The following SHANK2 variants were observed in gnomAD, a reference collection of about 807,000 sequenced individuals.
SHANK2 encodes SH3 and multiple ankyrin repeat domains protein 2.
In SHANK2, 43 loss-of-function variants were observed where a neutral mutation model predicts 133.7. The observed-to-expected ratio is 0.32, with a 90% CI of 0.25 to 0.41. The LOEUF (loss-of-function observed/expected upper bound fraction) is 0.41. Ranked by LOEUF, SHANK2 falls within the 10% of genes least tolerant of loss-of-function variation. The pLI, the probability that SHANK2 is intolerant of heterozygous loss-of-function variation, is 1.00. For synonymous variants in SHANK2, 1,017 were observed against 952.8 expected, an observed-to-expected ratio of 1.07 and a Z score of -1.24; for missense variants, 1,994 against 2,235.8, an observed-to-expected ratio of 0.89 and a Z score of 2.18.
chr11:70,750,755 C>A (rs1444010524), intron 14 of SHANK2, among the ~76,000 whole-genome samples: 1 of 152,144 alleles, frequency 6.6e-6, no homozygotes, highest in African/African-American at 2.4e-5. Flanking sequence ...ATAAAAACCA[C>A]CACCATCTCC....
At chr11:70,867,064 A>G (rs144614805) in intron 11 of SHANK2, among the ~76,000 whole-genome samples, 97 of 151,886 alleles carry the variant, frequency 6.4e-4, no homozygotes, top group Non-Finnish European at 1.3e-3. Flanking sequence ...ACAGCACAGA[A>G]GGGAAACAGG....
At chr11:70,618,741 C>T (rs561972275) in intron 17 of SHANK2, among the ~76,000 whole-genome samples, 26 of 152,362 alleles carry the variant, frequency 1.7e-4, no homozygotes, top group Non-Finnish European at 3.4e-4. Flanking sequence ...ACCCTCATCA[C>T]GCTATGCTGA....
rs182490988 is a variant in SHANK2, at chr11:70,836,467, G to A, written c.1175-15785C>T. Among the ~76,000 whole-genome samples the A allele has an allele frequency of 2.6e-5, 4 of 152,332 alleles. No individual in the cohort carries two copies. The East Asian group carries it at 7.7e-4, about 29-fold the overall frequency. On this transcript the variant is annotated intron_variant, in intron 11 of 25. Transcript: ENST00000601538. ...GTTTACAAAGTGCCAGGTATGGAGG[G>A]AAAGGACTTCCTGTGGGTGGCCCCG...
intron 10 of SHANK2, among the ~76,000 whole-genome samples, chr11:70,934,904 C>T (rs1479119464): frequency 3.9e-5 from 6 of 151,960 alleles, no homozygotes; most frequent in African/African-American, 1.2e-4. Context: ...CCGGGGACCG[C>T]GATGCAAACC....
intron 8 of SHANK2, among the ~76,000 whole-genome samples, chr11:71,080,732 A>C (rs1035684536): frequency 4.6e-5 from 7 of 152,348 alleles, no homozygotes; most frequent in South Asian, 2.1e-4. Context: ...GCTGCCCGTC[A>C]GTAGAGAAAC....
intron 1 of SHANK2, among the ~76,000 whole-genome samples, chr11:71,251,496 C>T (rs1555125845): frequency 1.3e-5 from 2 of 151,170 alleles, no homozygotes; most frequent in Non-Finnish European, 1.5e-5. Context: ...GCCTGGCGCC[C>T]GGGGCCGGGG....
intron 17 of SHANK2, among the ~76,000 whole-genome samples, chr11:70,646,849 A>G (rs1408712874): frequency 6.7e-6 from 1 of 150,004 alleles, no homozygotes; most frequent in Admixed American, 6.6e-5. Flanking sequence ...TTATTTATTT[A>G]TTTATTTATT....
Position 71,175,592 on chromosome 11 carries a change from G to GAC in SHANK2, c.-12-28255_-12-28254insGT, listed in dbSNP as rs1953424188. 6.0e-5 allele frequency among the ~76,000 whole-genome samples: 8 copies of GAC among 133,754 alleles called. No homozygotes were observed. The highest frequency in any genetic ancestry group is 4.8e-4 in the South Asian group (2 of 4,168). The allele number at this position is 133,754 out of a possible 152,430, so 87.7% of individuals were successfully genotyped here. A position where few individuals can be genotyped will look rare whatever the true frequency, so the allele number is the denominator to read the frequency against. On this transcript the variant is annotated intron_variant, in intron 2 of 25. Transcript: ENST00000601538. This position sits in a 1 kb window ranked among gnomAD's most constrained non-coding sequence, Gnocchi z 4.2. ...AGAGAGAGAGAGAGAGAGAGAGAGA[G>GAC]AGAGAGAGAGACAGAGACAGAGACA...
chr11:70,478,355 C>A (rs2058690595), intron 25 of SHANK2, among the ~76,000 whole-genome samples: 1 of 152,132 alleles, frequency 6.6e-6, no homozygotes, highest in Non-Finnish European at 1.5e-5. Flanking sequence ...TGGTTCTGTC[C>A]CTCCCATGAG....
intron 15 of SHANK2, among the ~76,000 whole-genome samples, chr11:70,691,076 T>C (rs142764058): frequency 2.3e-3 from 349 of 152,332 alleles, no homozygotes; most frequent in African/African-American, 8.0e-3. Flanking sequence ...TTTAATTAAT[T>C]ACTTTCATTA....
At chr11:70,509,662 C>G (rs1554968968) in intron 17 of SHANK2, among the ~76,000 whole-genome samples, 1 of 152,210 alleles carries the variant, frequency 6.6e-6, no homozygotes, top group African/African-American at 2.4e-5. Context: ...TCTATGTCCC[C>G]CCAGTCTATG....
chr11:70,873,349 C>T (rs1565374972), intron 11 of SHANK2, among the ~76,000 whole-genome samples: 1 of 152,256 alleles, frequency 6.6e-6, no homozygotes, highest in Non-Finnish European at 1.5e-5. Context: ...GAATCACACC[C>T]ATTCATGAGA....
At chr11:70,628,768 C>G (rs1008061599) in intron 17 of SHANK2, among the ~76,000 whole-genome samples, 3 of 152,212 alleles carry the variant, frequency 2.0e-5, no homozygotes, top group African/African-American at 7.2e-5. Flanking sequence ...TTTCGGCCCA[C>G]CTGCCCTCCC....
At chr11:70,875,100 C>G (rs1441626943) in intron 11 of SHANK2, among the ~76,000 whole-genome samples, 1 of 152,138 alleles carries the variant, frequency 6.6e-6, no homozygotes, top group Non-Finnish European at 1.5e-5. Flanking sequence ...AGATCTTAGA[C>G]CAACGATTGG....
chr11:71,250,576 C>T (rs982021541), intron 1 of SHANK2, among the ~76,000 whole-genome samples: 4 of 152,222 alleles, frequency 2.6e-5, no homozygotes, highest in African/African-American at 9.7e-5. Context: ...ACTCCACCCC[C>T]ACAGGCTCAA....
chr11:70,700,308 A>G (rs1591762099), intron 14 of SHANK2, among the ~76,000 whole-genome samples: 1 of 152,256 alleles, frequency 6.6e-6, no homozygotes, highest in African/African-American at 2.4e-5. Context: ...CGAGTATTCA[A>G]TAGTTTAACT....
chr11:70,836,821 C>G (rs1555060170), intron 11 of SHANK2, among the ~76,000 whole-genome samples: 1 of 152,222 alleles, frequency 6.6e-6, no homozygotes, highest in African/African-American at 2.4e-5. Flanking sequence ...GTTTACATCC[C>G]CTCCAAATTC....
intron 11 of SHANK2, among the ~76,000 whole-genome samples, chr11:70,821,870 G>A (rs1205363924): frequency 6.6e-6 from 1 of 152,238 alleles, no homozygotes; most frequent in Non-Finnish European, 1.5e-5. Context: ...GACTGTGTGA[G>A]GAAGCAGGGG....
intron 13 of SHANK2, among the ~76,000 whole-genome samples, chr11:70,802,328 G>A (rs1472335902): frequency 6.6e-6 from 1 of 152,214 alleles, no homozygotes; most frequent in Non-Finnish European, 1.5e-5. Flanking sequence ...GGCCACCACA[G>A]TGGGCCGCTC....
Sources: gnomAD v4.1 joint callset for allele counts (sites outside exome capture counted in the v4.1 genomes callset) on GRCh38, gnomAD v4.1.1 for gene constraint, Gnocchi (gnomAD v3.1) non-coding constraint, MANE v1.5 for transcripts, NCBI Gene and HGNC (gene_info 2026-07-23, HGNC 2026-07-21) for gene names.